The following BPTF variants were observed in gnomAD, a reference collection of about 807,000 sequenced individuals.
BPTF encodes bromodomain PHD finger transcription factor.
In BPTF, 18 loss-of-function variants were observed where a neutral mutation model predicts 292.5. That is an observed-to-expected ratio of 0.06 (90% CI 0.04 to 0.09). The LOEUF is 0.09. Among genes scored for constraint, BPTF ranks in the 10% least tolerant of loss-of-function variants. The probability of loss-of-function intolerance (pLI) is 1.00; values close to 1 mark genes in which losing one functional copy is unlikely to be tolerated. For missense variants in BPTF, 2,726 were observed against 3,498.7 expected, an observed-to-expected ratio of 0.78 and a Z score of 5.57; for synonymous variants, 1,225 against 1,251.9, an observed-to-expected ratio of 0.98 and a Z score of 0.45.
At chr17:67,972,245 A>T (rs369701769) in intron 26 of BPTF, among the ~76,000 whole-genome samples, 2 of 146,184 alleles carry the variant, frequency 1.4e-5, no homozygotes, top group African/African-American at 5.5e-5. Flanking sequence ...TTATTATTTT[A>T]TTTTTTTTGA....
chr17:67,898,122 C>A (rs1425199185), intron 7 of BPTF, among the ~76,000 whole-genome samples: 1 of 152,214 alleles, frequency 6.6e-6, no homozygotes, highest in Non-Finnish European at 1.5e-5. Context: ...GTAATCCCAG[C>A]ACTTTGGAAG....
At chr17:67,870,402 G>T (rs2059650816) in intron 3 of BPTF, among the ~76,000 whole-genome samples, 1 of 151,940 alleles carries the variant, frequency 6.6e-6, no homozygotes, top group African/African-American at 2.4e-5. Flanking sequence ...GCTCAACTAG[G>T]TGTTTTACAA....
intron 4 of BPTF, among the ~76,000 whole-genome samples, chr17:67,890,189 A>G (rs545676888): frequency 5.3e-5 from 8 of 152,220 alleles, no homozygotes; most frequent in Non-Finnish European, 1.2e-4. Context: ...TTTTGATAGA[A>G]ATACATCAAA....
At chr17:67,894,190 A>G in intron 7 of BPTF, 25 bp downstream of exon 7, 1 of 1,611,570 alleles carries the variant, frequency 6.2e-7, no homozygotes, top group South Asian at 1.1e-5. Flanking sequence ...AGCCTTGTAA[A>G]TGATGAGTAT....
intron 1 of BPTF, among the ~76,000 whole-genome samples, chr17:67,833,281 G>A (rs1001091468): frequency 8.4e-4 from 124 of 148,472 alleles, no homozygotes; most frequent in Non-Finnish European, 8.3e-4. Context: ...GTCTTGCAGT[G>A]TTGCCCAGGC....
intron 3 of BPTF, among the ~76,000 whole-genome samples, chr17:67,873,079 T>C (rs1280933295): frequency 3.3e-5 from 5 of 152,092 alleles, no homozygotes; most frequent in African/African-American, 1.2e-4. Context: ...AGACTCTGTC[T>C]CTAAAAAAGT....
chr17:67,967,096 CA>C (rs1391091062), intron 26 of BPTF, among the ~76,000 whole-genome samples: 1 of 148,784 alleles, frequency 6.7e-6, no homozygotes, highest in African/African-American at 2.5e-5. Flanking sequence ...GAGACTGTCT[CA>C]AAAAAATAAA....
chr17:67,881,852 GTTTTTGTTTTTTTT>G (rs559122561), intron 4 of BPTF, among the ~76,000 whole-genome samples: 1,710 of 38,390 alleles, frequency 0.045, 89 homozygotes, highest in African/African-American at 0.072. Context: ...GGGATTTTGG[GTTTTTGTTTTTTTT>G]TTTTTTTTTT....
rs912215956 is a variant in BPTF at position 67,934,890 on chromosome 17, G to A, written c.6259+2871G>A. Among the ~76,000 whole-genome samples, 125 of 70,624 alleles carry A rather than the reference G, an allele frequency of 1.8e-3. 1 individual carries two copies. The highest frequency in any genetic ancestry group is 7.6e-3 in the African/African-American group (103 of 13,506). The allele number at this position is 70,624 out of a possible 152,430, so 46.3% of individuals were successfully genotyped here. ...TGTCTCAAAAAAAAAAAAAAAAAAA[G>A]CATGTAAGTACATTCTAAGTAACTT... is the stretch of plus-strand genomic sequence containing the variant. On this transcript the variant is annotated intron_variant, in intron 18 of 27. Coordinates refer to ENST00000306378, the MANE Select transcript of BPTF (RefSeq NM_182641.4).
At chr17:67,900,771 A>T (rs899532159) in intron 7 of BPTF, among the ~76,000 whole-genome samples, 4 of 152,042 alleles carry the variant, frequency 2.6e-5, no homozygotes, top group Non-Finnish European at 4.4e-5. Flanking sequence ...ACACTTTGAG[A>T]GGTTGAGGAG....
Position 67,912,875 on chromosome 17 carries a change from C to G in BPTF, c.4991C>G (p.Ser1664Cys). Residue 1664 changes from serine (S) to cysteine (C), a missense_variant, in exon 11 of 28, where the codon TCC (serine) becomes TGC (cysteine). Transcript: ENST00000306378. Reference sequence around the variant, plus strand: ...GTGGTCACCACGACAGTGACAGACTCCCTGACCACCACGGGAGGCACACTG... The same window carrying G: ...GTGGTCACCACGACAGTGACAGACTGCCTGACCACCACGGGAGGCACACTG... Reference protein sequence around the residue: ...KTVVTTTVTDSLTTTGGTLVT... With the variant: ...KTVVTTTVTDCLTTTGGTLVT... The G allele has an allele frequency of 6.2e-7, 1 of 1,614,148 alleles. No homozygotes were observed. The highest frequency in any genetic ancestry group is 8.5e-7 in the Non-Finnish European group (1 of 1,180,020).
chr17:67,965,715 T>C (rs1287956384), intron 25 of BPTF: 1 of 148,212 alleles, frequency 6.7e-6, no homozygotes, highest in African/African-American at 2.5e-5. Flanking sequence ...ACAAAAAGAA[T>C]AACAGGATAG....
chr17:67,929,889 G>A (rs2064219246), intron 17 of BPTF, among the ~76,000 whole-genome samples: 2 of 152,176 alleles, frequency 1.3e-5, no homozygotes, highest in Admixed American at 6.5e-5. Context: ...GCCAAGGCGG[G>A]TGGATCACTT....
At chr17:67,974,150 T>C (rs1228456369) in intron 26 of BPTF, 1 of 152,244 alleles carries the variant, frequency 6.6e-6, no homozygotes, top group Non-Finnish European at 1.5e-5. Flanking sequence ...TGGAGATTAC[T>C]GGCCTTTCAC....
rs151318505 is a variant in BPTF, at chr17:67,945,498, G to A, written c.6790G>A (p.Gly2264Ser). Residue 2264 changes from glycine to serine, a missense_variant, in exon 21 of 28, where the codon GGT becomes AGT. This residue lies in a region of BPTF where 570 missense variants were observed against 633.5 expected (regional missense o/e 0.90). Coordinates refer to ENST00000306378, the MANE Select transcript of BPTF (RefSeq NM_182641.4). ...TLPPAQSSSVGPAEAQPQTAQ... is the reference protein window; with the variant it reads ...TLPPAQSSSVSPAEAQPQTAQ... ...GCCACCAGCTCAGTCATCAAGTGTG[G>A]GTCCAGCAGAAGCCCAGCCACAGAC... 56 of 1,614,016 alleles carry A rather than the reference G, an allele frequency of 3.5e-5. No individual in the cohort carries two copies. The African/African-American group carries it at 6.7e-4, about 19-fold the overall frequency.
Position 67,982,272 on chromosome 17 carries a change from A to G in BPTF, c.8747A>G (p.Gln2916Arg). The G allele has an allele frequency of 2.5e-6, 4 of 1,611,376 alleles. No individual in the cohort carries two copies. Among genetic ancestry groups the G allele is most frequent in the Non-Finnish European group, 3.4e-6 (4 of 1,178,142 alleles). Reference protein sequence around the residue: ...KASRSHNNKLQSTAS With the variant: ...KASRSHNNKLRSTAS The stretch of plus-strand genomic sequence containing the variant: ...TGTAGGTCTCATAACAACAAACTGC[A>G]GTCTACAGCTTCTTAAAGTTCAGCG... The change falls in exon 28 of 28, where the codon CAG becomes CGG. Residue 2916 changes from glutamine to arginine, a missense_variant. Transcript: ENST00000306378.
intron 2 of BPTF, among the ~76,000 whole-genome samples, chr17:67,857,871 T>TC (rs1314167511): frequency 1.5e-5 from 2 of 137,440 alleles, no homozygotes; most frequent in Admixed American, 1.6e-4. Context: ...CACTGCAACC[T>TC]CCATCTCCCA....
chr17:67,896,176 A>C (rs1437090433), intron 7 of BPTF, among the ~76,000 whole-genome samples: 3 of 152,148 alleles, frequency 2.0e-5, no homozygotes, highest in African/African-American at 7.2e-5. Flanking sequence ...GTTAGCCAGG[A>C]TGGTCTCCAT....
chr17:67,953,631 A>G (rs1172285597), intron 23 of BPTF, among the ~76,000 whole-genome samples: 35 of 142,778 alleles, frequency 2.5e-4, no homozygotes, highest in Admixed American at 8.0e-4. Flanking sequence ...GCTGGAGTGC[A>G]ATAGCACGAT....
Sources: allele counts gnomAD v4.1 joint callset (sites outside exome capture counted in the v4.1 genomes callset), GRCh38; gene constraint gnomAD v4.1.1; regional missense constraint gnomAD v4.1.1; transcripts MANE v1.5; gene names NCBI Gene and HGNC (gene_info 2026-07-23, HGNC 2026-07-21).